Variants in LHFPL3 observed in about 807,000 individuals in gnomAD.
LHFPL3 encodes LHFPL tetraspan subfamily member 3 protein.
Under a neutral mutation model 19.3 loss-of-function variants are expected in LHFPL3, and 5 were observed. The ratio of observed to expected loss-of-function variants is 0.26; its 90% CI spans 0.14 to 0.54. The LOEUF (loss-of-function observed/expected upper bound fraction) is 0.54, where lower values mean the gene tolerates loss of function less well. Ranked by LOEUF, LHFPL3 falls within the 20% of genes least tolerant of loss-of-function variation. The pLI, the probability that LHFPL3 is intolerant of heterozygous loss-of-function variation, is 0.94. For missense variants in LHFPL3, 249 were observed against 307.4 expected, an observed-to-expected ratio of 0.81 and a Z score of 1.42; for synonymous variants, 133 against 126.2, an observed-to-expected ratio of 1.05 and a Z score of -0.36.
chr7:104,646,624 T>C (rs1236225651), intron 1 of LHFPL3, among the ~76,000 whole-genome samples: 1 of 152,184 alleles, frequency 6.6e-6, no homozygotes, highest in Admixed American at 6.5e-5. Context: ...TGTACTAAAA[T>C]AAATTAAATG....
At chr7:104,657,935 A>G (rs953926157) in intron 1 of LHFPL3, among the ~76,000 whole-genome samples, 4 of 152,238 alleles carry the variant, frequency 2.6e-5, no homozygotes, top group Non-Finnish European at 5.9e-5. Context: ...GAGCAATTAC[A>G]GTGATATGTG....
At chr7:104,562,290 T>A (rs1253437498) in intron 1 of LHFPL3, among the ~76,000 whole-genome samples, 1 of 152,048 alleles carries the variant, frequency 6.6e-6, no homozygotes, top group Non-Finnish European at 1.5e-5. Flanking sequence ...TCCAACTTGG[T>A]TCCATTCTCC....
At chr7:104,565,982 A>G (rs1019433842) in intron 1 of LHFPL3, among the ~76,000 whole-genome samples, 4 of 152,100 alleles carry the variant, frequency 2.6e-5, no homozygotes, top group African/African-American at 4.8e-5. Flanking sequence ...GGGAAAAGGC[A>G]TTTTCAACCA....
chr7:104,786,588 G>A (rs1360593996), intron 2 of LHFPL3: 3 of 151,870 alleles, frequency 2.0e-5, no homozygotes, highest in African/African-American at 7.3e-5. Context: ...TTCCCTGTAG[G>A]CAGAGGAGTA....
chr7:104,333,253 A>G (rs1184736951), intron 1 of LHFPL3, among the ~76,000 whole-genome samples: 1 of 152,192 alleles, frequency 6.6e-6, no homozygotes, highest in Non-Finnish European at 1.5e-5. Flanking sequence ...ATTAGGCCAA[A>G]GAAATCTTTA....
At chr7:104,861,161 T>C (rs555283708) in intron 2 of LHFPL3, among the ~76,000 whole-genome samples, 112 of 152,284 alleles carry the variant, frequency 7.4e-4, no homozygotes, top group Middle Eastern at 3.4e-3. Flanking sequence ...TTGTATTAGA[T>C]TGTGTGTTAG....
chr7:104,679,636 A>G (rs987717900), intron 1 of LHFPL3, among the ~76,000 whole-genome samples: 1 of 152,238 alleles, frequency 6.6e-6, no homozygotes, highest in Non-Finnish European at 1.5e-5. Context: ...CTGAGATTTG[A>G]AGCCAAATGA....
chr7:104,877,276 TA>T (rs60073592), intron 2 of LHFPL3, among the ~76,000 whole-genome samples: 87 of 138,470 alleles, frequency 6.3e-4, no homozygotes, highest in African/African-American at 2.2e-3. Flanking sequence ...TAAAGTATAA[TA>T]AAAAAAAAAT....
intron 1 of LHFPL3, among the ~76,000 whole-genome samples, chr7:104,521,935 G>A (rs1794071838): frequency 6.6e-6 from 1 of 152,054 alleles, no homozygotes; most frequent in South Asian, 2.1e-4. Flanking sequence ...TTACACTGTT[G>A]GTGGGACTGT....
rs117000173 is a variant in LHFPL3, at chr7:104,396,544, G to A, written c.445+67320G>A. ...CATCTAGAATATTGAAGGTGCATCA[G>A]GTTCAATTTAGAAAAGTCAGAGGCA... On this transcript the variant is annotated intron_variant, in intron 1 of 2. Coordinates refer to ENST00000424859, the MANE Select transcript of LHFPL3 (RefSeq NM_199000.3). Among the ~76,000 whole-genome samples the A allele has an allele frequency of 4.7e-3, 707 of 151,464 alleles. 14 individuals carry two copies. Among genetic ancestry groups the A allele is most frequent in the East Asian group, 0.014 (73 of 5,162 alleles).
chr7:104,640,907 T>C (rs936939273), intron 1 of LHFPL3, among the ~76,000 whole-genome samples: 3 of 152,230 alleles, frequency 2.0e-5, no homozygotes, highest in Non-Finnish European at 4.4e-5. Flanking sequence ...TGCTCAGATA[T>C]TATCAAATAT....
chr7:104,589,268 T>A (rs1481509038), intron 1 of LHFPL3, among the ~76,000 whole-genome samples: 4 of 152,212 alleles, frequency 2.6e-5, no homozygotes, highest in African/African-American at 9.6e-5. Context: ...TAGCTCTTAT[T>A]ATTTTGAGAT....
chr7:104,624,720 A>G (rs1791511651), intron 1 of LHFPL3, among the ~76,000 whole-genome samples: 1 of 152,208 alleles, frequency 6.6e-6, no homozygotes, highest in Non-Finnish European at 1.5e-5. Flanking sequence ...GTGCAGGACT[A>G]TTTAGTGGTA....
intron 1 of LHFPL3, among the ~76,000 whole-genome samples, chr7:104,604,364 C>G (rs1791048907): frequency 6.6e-6 from 1 of 152,182 alleles, no homozygotes; most frequent in Admixed American, 6.5e-5. Flanking sequence ...TCCCCCAAAA[C>G]TATTCTGCCC....
At chr7:104,527,712 A>G (rs1794217068) in intron 1 of LHFPL3, among the ~76,000 whole-genome samples, 1 of 152,192 alleles carries the variant, frequency 6.6e-6, no homozygotes. Flanking sequence ...AGCCCAGGCT[A>G]CAGACCCAAG....
intron 1 of LHFPL3, among the ~76,000 whole-genome samples, chr7:104,335,578 A>G (rs1457747603): frequency 6.6e-6 from 1 of 152,232 alleles, no homozygotes; most frequent in Non-Finnish European, 1.5e-5. Context: ...CATATAACCC[A>G]TACAATATAT....
intron 1 of LHFPL3, among the ~76,000 whole-genome samples, chr7:104,696,809 T>C (rs996022644): frequency 6.6e-6 from 1 of 152,184 alleles, no homozygotes; most frequent in African/African-American, 2.4e-5. Context: ...TGAGTTGCTG[T>C]ATAAAAAATA....
chr7:104,875,152 G>A (rs935491041), intron 2 of LHFPL3, among the ~76,000 whole-genome samples: 3 of 152,074 alleles, frequency 2.0e-5, no homozygotes, highest in African/African-American at 7.2e-5. Flanking sequence ...GCCCTATATG[G>A]TGGTTCTTGC....
intron 1 of LHFPL3, among the ~76,000 whole-genome samples, chr7:104,521,159 G>A (rs1214184429): frequency 1.3e-5 from 2 of 151,958 alleles, no homozygotes; most frequent in African/African-American, 2.4e-5. Context: ...CTTTGTTCTC[G>A]TTGGTTTCAA....
Sources: allele counts gnomAD v4.1 joint callset (sites outside exome capture counted in the v4.1 genomes callset), GRCh38; gene constraint gnomAD v4.1.1; transcripts MANE v1.5; gene names NCBI Gene and HGNC (gene_info 2026-07-23, HGNC 2026-07-21).